TMEM108: variants seen among roughly 807,000 people sequenced by gnomAD.
TMEM108 encodes the protein transmembrane protein 108.
TMEM108 carries 12 observed loss-of-function variants against 35.1 expected under a neutral mutation model. The ratio of observed to expected loss-of-function variants is 0.34; its 90% CI spans 0.22 to 0.55. TMEM108 has a LOEUF of 0.55. Among genes scored for constraint, TMEM108 ranks in the 20% least tolerant of loss-of-function variants. The pLI, the probability that TMEM108 is intolerant of heterozygous loss-of-function variation, is 0.89. For missense variants in TMEM108, 680 were observed against 753.3 expected (o/e 0.90, Z 1.14); for synonymous variants, 287 against 308.6 (o/e 0.93, Z 0.73).
intron 3 of TMEM108, among the ~76,000 whole-genome samples, chr3:133,308,879 A>G (rs191423513): frequency 6.6e-6 from 1 of 152,144 alleles, no homozygotes; most frequent in Non-Finnish European, 1.5e-5. Flanking sequence ...GCCTCATAAA[A>G]CTAGTTAGGG....
intron 2 of TMEM108, among the ~76,000 whole-genome samples, chr3:133,153,334 G>A (rs920237586): frequency 6.6e-6 from 1 of 152,190 alleles, no homozygotes; most frequent in Non-Finnish European, 1.5e-5. Flanking sequence ...GGAAGCATTT[G>A]GCAAAATTCA....
intron 2 of TMEM108, among the ~76,000 whole-genome samples, chr3:133,104,176 C>G (rs890512665): frequency 6.6e-6 from 1 of 152,094 alleles, no homozygotes; most frequent in Non-Finnish European, 1.5e-5. Flanking sequence ...CTTGATTTCT[C>G]TACCTATAAA....
chr3:133,176,913 C>T (rs573286456), intron 2 of TMEM108, among the ~76,000 whole-genome samples: 32 of 151,898 alleles, frequency 2.1e-4, no homozygotes, highest in East Asian at 1.2e-3. Flanking sequence ...ATTGATAGAC[C>T]GCTAGCAAGA....
intron 2 of TMEM108, among the ~76,000 whole-genome samples, chr3:133,096,702 G>T (rs1037802198): frequency 1.3e-5 from 2 of 152,158 alleles, no homozygotes; most frequent in African/African-American, 2.4e-5. Flanking sequence ...TGTTTTGTGG[G>T]TGCTTGATCT....
intron 3 of TMEM108, among the ~76,000 whole-genome samples, chr3:133,317,141 G>A (rs2071209706): frequency 6.6e-6 from 1 of 152,160 alleles, no homozygotes; most frequent in African/African-American, 2.4e-5. Context: ...TTCCTGGACT[G>A]ACAAACATTC....
chr3:133,213,248 T>C (rs982747223), intron 2 of TMEM108, among the ~76,000 whole-genome samples: 3 of 152,346 alleles, frequency 2.0e-5, no homozygotes. Context: ...AGACATATGA[T>C]GTGCAAGACA....
At position 133,378,018 on chromosome 3, in the gene TMEM108, A is replaced by G. The variant is rs181178824; in HGVS notation, c.41-1734A>G. Among the ~76,000 whole-genome samples, 558 of 152,304 alleles carry G rather than the reference A, an allele frequency of 3.7e-3. 5 individuals are homozygous for G. Among genetic ancestry groups the G allele is most frequent in the Non-Finnish European group, 5.6e-3 (380 of 68,018 alleles). On this transcript the variant is annotated intron_variant, in intron 3 of 5. Coordinates refer to ENST00000321871, the MANE Select transcript of TMEM108 (RefSeq NM_023943.4). The stretch of plus-strand genomic sequence containing the variant: ...TACCCCCCCCGACCAACTCCAGTCC[A>G]TGGAAAAACTGTCTTCCACAAAACC...
chr3:133,046,205 C>T (rs1369088303), intron 2 of TMEM108, among the ~76,000 whole-genome samples, 185 bp downstream of exon 2: 2 of 152,094 alleles, frequency 1.3e-5, no homozygotes, highest in African/African-American at 2.4e-5. Flanking sequence ...AAACCATGAC[C>T]GAGGTGATGG....
chr3:133,139,341 G>T (rs1431319700), intron 2 of TMEM108, among the ~76,000 whole-genome samples: 1 of 152,044 alleles, frequency 6.6e-6, no homozygotes. Flanking sequence ...AATCTACAAA[G>T]AACTTAAACA....
chr3:133,134,586 G>GT (rs1295273953), intron 2 of TMEM108, among the ~76,000 whole-genome samples: 9 of 150,868 alleles, frequency 6.0e-5, no homozygotes, highest in Non-Finnish European at 1.0e-4. Context: ...GCTGTCTCTT[G>GT]TTTTTTTTTA....
In TMEM108 at chr3:133,069,362, T is replaced by C. The variant is rs78247060; in HGVS notation, c.-47+23342T>C. Reference sequence around the variant, plus strand: ...GAACCAGTTCTTTTTTAAAATAAACTAAGAAGTAATTAGACAAATGCATGT... The same window carrying C: ...GAACCAGTTCTTTTTTAAAATAAACCAAGAAGTAATTAGACAAATGCATGT... On this transcript the variant is annotated intron_variant, in intron 2 of 5. Transcript: ENST00000321871. Among the ~76,000 whole-genome samples the C allele has an allele frequency of 3.3e-5, 5 of 152,164 alleles. No individual in the cohort carries two copies. The East Asian group carries it at 9.6e-4, about 29-fold the overall frequency.
Position 133,107,521 on chromosome 3 carries a change from A to G in TMEM108, c.-47+61501A>G, listed in dbSNP as rs186465618. Among the ~76,000 whole-genome samples, 721 of 149,500 alleles carry G rather than the reference A, an allele frequency of 4.8e-3. 6 individuals carry two copies. Among genetic ancestry groups the G allele is most frequent in the Middle Eastern group, 0.031 (9 of 288 alleles). ...GTATAAAATGATTACATTTCAGCCA[A>G]ACACAGACATAGCAGGGAAAAGTGT... On this transcript the variant is annotated intron_variant, in intron 2 of 5. Coordinates refer to ENST00000321871, the MANE Select transcript of TMEM108 (RefSeq NM_023943.4).
Position 133,371,208 on chromosome 3 carries a change from TAACA to T in TMEM108, c.41-8540_41-8537del, listed in dbSNP as rs111530611. 1.6e-3 allele frequency among the ~76,000 whole-genome samples: 250 copies of T among 152,312 alleles called. 3 individuals carry two copies. Among genetic ancestry groups the T allele is most frequent in the African/African-American group, 5.8e-3 (242 of 41,562 alleles). The stretch of plus-strand genomic sequence containing the variant: ...TGGTATTCCAGTTACTGCTGCTGCC[TAACA>T]AACCACTGCAAAACATAGTGGCTTA... On this transcript the variant is annotated intron_variant, in intron 3 of 5. Transcript: ENST00000321871.
intron 3 of TMEM108, among the ~76,000 whole-genome samples, chr3:133,285,818 C>T (rs906834152): frequency 2.0e-5 from 3 of 152,202 alleles, no homozygotes; most frequent in Non-Finnish European, 4.4e-5. Flanking sequence ...CCCATCACTG[C>T]TTTGCCTTTC....
intron 2 of TMEM108, among the ~76,000 whole-genome samples, chr3:133,090,329 A>G (rs535211338): frequency 6.6e-6 from 1 of 152,364 alleles, no homozygotes; most frequent in Non-Finnish European, 1.5e-5. Context: ...CAGTGATGTC[A>G]TTCTTATTGC....
intron 3 of TMEM108, among the ~76,000 whole-genome samples, chr3:133,324,813 T>G (rs2071310150): frequency 6.6e-6 from 1 of 152,066 alleles, no homozygotes; most frequent in Non-Finnish European, 1.5e-5. Context: ...CTGTGTCTAC[T>G]AAAAATACAA....
At chr3:133,068,562 A>G (rs768717947) in intron 2 of TMEM108, among the ~76,000 whole-genome samples, 1 of 152,166 alleles carries the variant, frequency 6.6e-6, no homozygotes, top group Non-Finnish European at 1.5e-5. Flanking sequence ...GAGAAAGCTG[A>G]TGAAGGGTTC....
At chr3:133,057,700 A>G (rs1164200614) in intron 2 of TMEM108, among the ~76,000 whole-genome samples, 6 of 152,032 alleles carry the variant, frequency 3.9e-5, no homozygotes, top group Non-Finnish European at 8.8e-5. Context: ...AATTGGTGGT[A>G]TGAAAAAAAT....
chr3:133,086,160 T>A (rs1333378788), intron 2 of TMEM108, among the ~76,000 whole-genome samples: 1 of 152,218 alleles, frequency 6.6e-6, no homozygotes, highest in Non-Finnish European at 1.5e-5. Context: ...CTTTGTGGCC[T>A]TTTCTGCTTC....
Sources: allele counts gnomAD v4.1 joint callset (sites outside exome capture counted in the v4.1 genomes callset), GRCh38; gene constraint gnomAD v4.1.1; transcripts MANE v1.5; gene names NCBI Gene and HGNC (gene_info 2026-07-23, HGNC 2026-07-21).